NTN4: variants seen among roughly 807,000 people sequenced by gnomAD.
NTN4 encodes the protein netrin 4.
Under a neutral mutation model 73.6 loss-of-function variants are expected in NTN4, and 32 were observed. The ratio of observed to expected loss-of-function variants is 0.44; its 90% CI spans 0.33 to 0.58. NTN4 has a LOEUF of 0.58. Ranked by LOEUF, NTN4 falls within the 20% of genes least tolerant of loss-of-function variation. The pLI, the probability that NTN4 is intolerant of heterozygous loss-of-function variation, is 0.04. For missense variants in NTN4, 654 were observed against 798.3 expected (o/e 0.82, Z 2.18); for synonymous variants, 258 against 287.5 (o/e 0.90, Z 1.04).
At chr12:95,748,513 T>C (rs1320081057) in intron 2 of NTN4, among the ~76,000 whole-genome samples, 6 of 150,020 alleles carry the variant, frequency 4.0e-5, no homozygotes, top group African/African-American at 1.5e-4. Flanking sequence ...AGTCTCGCTC[T>C]GTTGTCCACG....
intron 2 of NTN4, among the ~76,000 whole-genome samples, chr12:95,779,175 A>G (rs150407537): frequency 0.016 from 2,426 of 152,292 alleles, 75 homozygotes; most frequent in East Asian, 0.1. Flanking sequence ...AATAAGAGCT[A>G]TGTATGACAA....
intron 3 of NTN4, among the ~76,000 whole-genome samples, chr12:95,722,067 CT>C (rs200453216): frequency 0.032 from 3,981 of 124,428 alleles, 117 homozygotes; most frequent in African/African-American, 0.099. Flanking sequence ...TTCAGTAGAT[CT>C]TTTTTTTTTT....
intron 9 of NTN4, among the ~76,000 whole-genome samples, chr12:95,661,916 A>C (rs559350573): frequency 6.6e-6 from 1 of 152,348 alleles, no homozygotes; most frequent in African/African-American, 2.4e-5. Context: ...GCAAGGACAC[A>C]TCAGCTGTAG....
rs570420784 is a variant in NTN4 at position 95,708,708 on chromosome 12, G to C, written c.1180+1733C>G. Among the ~76,000 whole-genome samples the C allele has an allele frequency of 2.0e-5, 3 of 152,166 alleles. No individual in the cohort carries two copies. In the South Asian group the frequency reaches 6.2e-4, roughly 32 times the overall value. ...ACAGATGCGAGCCACCCCACCTGGC[G>C]TAGTTTTCGTTTCTTGAGGGCTTAT... On this transcript the variant is annotated intron_variant, in intron 5 of 9. Transcript: ENST00000343702.
chr12:95,758,628 G>A (rs570606391), intron 2 of NTN4, among the ~76,000 whole-genome samples: 11 of 152,158 alleles, frequency 7.2e-5, no homozygotes, highest in South Asian at 2.1e-4. Context: ...ACAGTGGCAC[G>A]ATCACGGCTC....
At chr12:95,746,944 G>C (rs2078867396) in intron 2 of NTN4, among the ~76,000 whole-genome samples, 1 of 152,176 alleles carries the variant, frequency 6.6e-6, no homozygotes, top group Non-Finnish European at 1.5e-5. Flanking sequence ...TTTCAGGTGG[G>C]AGGGTAAATC....
At chr12:95,757,656 G>A (rs776987465) in intron 2 of NTN4, among the ~76,000 whole-genome samples, 2 of 146,820 alleles carry the variant, frequency 1.4e-5, no homozygotes, top group Non-Finnish European at 3.0e-5. Context: ...TCTATGGTTA[G>A]AGCTCAGAAA....
chr12:95,774,186 T>TAA (rs61303419), intron 2 of NTN4, among the ~76,000 whole-genome samples: 20,076 of 148,612 alleles, frequency 0.14, 1,765 homozygotes, highest in South Asian at 0.33. Context: ...TTTTTTTTTT[T>TAA]AAAAAAAAAA....
chr12:95,700,079 G>GTT (rs1565888823), intron 5 of NTN4, among the ~76,000 whole-genome samples: 1 of 86,358 alleles, frequency 1.2e-5, no homozygotes, highest in Non-Finnish European at 2.5e-5. Context: ...CTAAAGTGAG[G>GTT]ATTTTTTTTT....
At chr12:95,684,598 C>T (rs7961142) in intron 5 of NTN4, among the ~76,000 whole-genome samples, 8,137 of 151,814 alleles carry the variant, frequency 0.054, 347 homozygotes, top group East Asian at 0.22. Flanking sequence ...TGAGACACTG[C>T]GCCTGGCCGT....
At chr12:95,700,486 T>C (rs1377277517) in intron 5 of NTN4, among the ~76,000 whole-genome samples, 1 of 152,148 alleles carries the variant, frequency 6.6e-6, no homozygotes, top group African/African-American at 2.4e-5. Context: ...TCCCTGGTGA[T>C]TCTGACCCAC....
intron 2 of NTN4, among the ~76,000 whole-genome samples, chr12:95,741,524 T>C (rs2121188762): frequency 7.1e-6 from 1 of 139,972 alleles, no homozygotes; most frequent in Non-Finnish European, 1.5e-5. Flanking sequence ...ATGAAGTGAC[T>C]GTTTTATCTA....
At chr12:95,714,469 G>A (rs912684955) in intron 3 of NTN4, among the ~76,000 whole-genome samples, 13 of 151,566 alleles carry the variant, frequency 8.6e-5, no homozygotes, top group African/African-American at 3.1e-4. Context: ...TATTTAATGG[G>A]TACCTACAAG....
chr12:95,768,526 G>C (rs1351464628), intron 2 of NTN4, among the ~76,000 whole-genome samples: 1 of 152,042 alleles, frequency 6.6e-6, no homozygotes, highest in Non-Finnish European at 1.5e-5. Context: ...GATCCAGCTA[G>C]AGGCTACAGC....
chr12:95,769,627 G>A (rs1214513691), intron 2 of NTN4, among the ~76,000 whole-genome samples: 1 of 151,854 alleles, frequency 6.6e-6, no homozygotes, highest in African/African-American at 2.4e-5. Flanking sequence ...GTACAGGTTG[G>A]CGTTTGCCTT....
Position 95,672,488 on chromosome 12 carries a change from G to C in NTN4, c.1511-2342C>G, listed in dbSNP as rs2078240583. On this transcript the variant is annotated intron_variant, in intron 7 of 9. Transcript: ENST00000343702. The stretch of plus-strand genomic sequence containing the variant: ...ATCTGCTTCACCTCAGTGCAGAAGA[G>C]AGCGACCCGGACCCTCTGGACAGTG... 13 of 1,531,432 alleles carry C rather than the reference G, an allele frequency of 8.5e-6. No individual in the cohort carries two copies. In the South Asian group the frequency reaches 1.1e-4, roughly 13 times the overall value. 94.9% of individuals were successfully genotyped at this position (1,531,432 alleles called of 1,614,324 possible).
intron 7 of NTN4, chr12:95,672,963 G>A: frequency 1.8e-6 from 2 of 1,134,694 alleles, no homozygotes; most frequent in Non-Finnish European, 2.7e-6. Context: ...TCTGTAAATT[G>A]GACAAGAGCT....
intron 3 of NTN4, among the ~76,000 whole-genome samples, chr12:95,728,337 G>A (rs536825026): frequency 6.6e-6 from 1 of 152,202 alleles, no homozygotes; most frequent in African/African-American, 2.4e-5. Context: ...GAATAGAAGG[G>A]GTGAGAGCAG....
At chr12:95,722,276 G>A (rs1385800894) in intron 3 of NTN4, among the ~76,000 whole-genome samples, 1 of 152,142 alleles carries the variant, frequency 6.6e-6, no homozygotes, top group African/African-American at 2.4e-5. Context: ...AGCGCAGCTT[G>A]GCCTTTTCAA....
Sources: gnomAD v4.1 joint callset for allele counts (sites outside exome capture counted in the v4.1 genomes callset) on GRCh38, gnomAD v4.1.1 for gene constraint, MANE v1.5 for transcripts, NCBI Gene and HGNC (gene_info 2026-07-23, HGNC 2026-07-21) for gene names.